The following CRYBG1 variants were observed in gnomAD, a reference collection of about 807,000 sequenced individuals.
The protein encoded by CRYBG1 is crystallin beta-gamma domain containing 1, also known as beta/gamma crystallin domain-containing protein 1.
A neutral mutation model predicts 189.2 loss-of-function variants in CRYBG1; 139 were observed. The observed-to-expected ratio is 0.73, with a 90% CI of 0.64 to 0.85. CRYBG1 has a LOEUF of 0.85. CRYBG1 is among the 40% of genes least tolerant of loss of function. The probability of loss-of-function intolerance (pLI) is 0.00; values close to 1 mark genes in which losing one functional copy is unlikely to be tolerated. For synonymous variants in CRYBG1, 1,023 were observed against 1,017.1 expected (o/e 1.01, Z -0.11); for missense variants, 2,611 against 2,675.8 (o/e 0.98, Z 0.53).
At chr6:106,418,969 G>A (rs1771077229) in intron 1 of CRYBG1, among the ~76,000 whole-genome samples, 1 of 152,206 alleles carries the variant, frequency 6.6e-6, no homozygotes, top group Non-Finnish European at 1.5e-5. Flanking sequence ...CAGGCATGAT[G>A]TTCACATAGT....
At chr6:106,369,934 G>A (rs1412793753) in intron 1 of CRYBG1, among the ~76,000 whole-genome samples, 1 of 152,156 alleles carries the variant, frequency 6.6e-6, no homozygotes, top group Non-Finnish European at 1.5e-5. Flanking sequence ...TTCCCCAGCC[G>A]GTGATCTTGA....
intron 1 of CRYBG1, among the ~76,000 whole-genome samples, chr6:106,378,922 G>T (rs1032109624): frequency 7.9e-5 from 12 of 152,068 alleles, no homozygotes; most frequent in African/African-American, 2.9e-4. Flanking sequence ...GGCCAAGGTG[G>T]GTGGATCACC....
At chr6:106,417,693 C>T (rs1342097131) in intron 1 of CRYBG1, among the ~76,000 whole-genome samples, 1 of 152,252 alleles carries the variant, frequency 6.6e-6, no homozygotes, top group East Asian at 1.9e-4. Flanking sequence ...CTGCCACACT[C>T]AGTCCCTTGT....
chr6:106,537,237 C>T (rs946735568), intron 8 of CRYBG1, among the ~76,000 whole-genome samples: 4 of 152,284 alleles, frequency 2.6e-5, no homozygotes, highest in East Asian at 3.9e-4. Flanking sequence ...AAGGGTACTT[C>T]GGTAAGAATC....
chr6:106,473,212 A>G (rs1455119348), intron 2 of CRYBG1, among the ~76,000 whole-genome samples: 2 of 152,156 alleles, frequency 1.3e-5, no homozygotes, highest in African/African-American at 4.8e-5. Context: ...AAACATACAC[A>G]AAATAGAGAG....
Position 106,492,869 on chromosome 6 carries a change from C to T in CRYBG1, c.313-18561C>T, listed in dbSNP as rs547634214. On this transcript the variant is annotated intron_variant, in intron 2 of 21. Transcript: ENST00000633556. ...GCTTGTTGAATGAATAAATGAAATA[C>T]GGGAGCACTCATGTAACCATGAGTG... Among the ~76,000 whole-genome samples the T allele has an allele frequency of 1.6e-4, 24 of 152,128 alleles. No homozygotes were observed. In the South Asian group the frequency reaches 3.1e-3, roughly 20 times the overall value.
In CRYBG1 at chr6:106,527,305, T is replaced by C. The variant is rs765061255; in HGVS notation, c.4413T>C (p.Cys1471=). ...PVILIKVVRG[C]WILYEQPNFE... ...TGGTTTTGCTGTGTTTTATTGTTAG[T>C]TGGATTTTGTATGAGCAACCAAATT... is the stretch of plus-strand genomic sequence containing the variant. The change falls in exon 7 of 22, where the codon TGT becomes TGC. Residue 1471 remains cysteine (C), a splice_region_variant and synonymous_variant. Coordinates refer to ENST00000633556, the MANE Select transcript of CRYBG1 (RefSeq NM_001371242.2). 3 of 1,609,604 alleles carry C rather than the reference T, an allele frequency of 1.9e-6. No homozygotes were observed. The highest frequency in any genetic ancestry group is 2.2e-5 in the South Asian group (2 of 90,404).
intron 1 of CRYBG1, among the ~76,000 whole-genome samples, chr6:106,393,468 T>G (rs922442699): frequency 6.6e-6 from 1 of 152,210 alleles, no homozygotes; most frequent in African/African-American, 2.4e-5. Flanking sequence ...CTGAACTTCC[T>G]TGGGCTTGCA....
rs1242381018 is a variant in CRYBG1, at chr6:106,512,824, C to T, written c.1707C>T (p.Arg569=). 3 of 1,575,864 alleles carry T rather than the reference C, an allele frequency of 1.9e-6. No homozygotes were observed. The highest frequency in any genetic ancestry group is 1.3e-5 in the African/African-American group (1 of 74,154). ...AGGAGGCGGCGCGGGCCATCCCCCG[C>T]GAGCTCCCGGTCAAGAGCAGCTCGC... The part of the protein sequence containing the change: ...SGEEAARAIP[R]ELPVKSSSLL... Residue 569 remains arginine (R), a synonymous_variant, in exon 3 of 22, where the codon CGC becomes CGT. Transcript: ENST00000633556.
intron 1 of CRYBG1, among the ~76,000 whole-genome samples, chr6:106,391,110 C>T (rs868410141): frequency 2.0e-5 from 3 of 152,262 alleles, no homozygotes; most frequent in Non-Finnish European, 1.5e-5. Flanking sequence ...CTCAGTCACC[C>T]AGGCTGGAGT....
intron 20 of CRYBG1, among the ~76,000 whole-genome samples, chr6:106,563,247 C>A (rs1774777422): frequency 6.6e-6 from 1 of 152,134 alleles, no homozygotes. Flanking sequence ...GGAAAGCATG[C>A]CTGTTTAGAA....
chr6:106,484,406 GCCTCAGCCTCAAGCAATCCTCCAA>G (rs1214152774), intron 2 of CRYBG1, among the ~76,000 whole-genome samples: 1 of 152,058 alleles, frequency 6.6e-6, no homozygotes, highest in African/African-American at 2.4e-5. Context: ...CAATCCTCCA[GCCTCAGCCTCAAGCAATCCTCCAA>G]CCTCAGCCTC....
At chr6:106,382,755 G>A (rs963242285) in intron 1 of CRYBG1, among the ~76,000 whole-genome samples, 6 of 152,206 alleles carry the variant, frequency 3.9e-5, no homozygotes, top group Middle Eastern at 3.4e-3. Flanking sequence ...CAAAAGCCAA[G>A]TGTTTGGAAA....
intron 2 of CRYBG1, among the ~76,000 whole-genome samples, chr6:106,489,800 A>G (rs1011611744): frequency 6.6e-6 from 1 of 150,610 alleles, no homozygotes; most frequent in South Asian, 2.1e-4. Context: ...AAAAAAAAAA[A>G]AAAAAAAGAA....
intron 1 of CRYBG1, among the ~76,000 whole-genome samples, chr6:106,365,890 CA>C (rs952049030): frequency 2.6e-5 from 4 of 151,940 alleles, no homozygotes; most frequent in African/African-American, 9.7e-5. Context: ...ATTGGGCAGG[CA>C]GAGATCTACC....
At chr6:106,415,585 G>T (rs1771006821) in intron 1 of CRYBG1, among the ~76,000 whole-genome samples, 1 of 152,010 alleles carries the variant, frequency 6.6e-6, no homozygotes, top group African/African-American at 2.4e-5. Flanking sequence ...AATTAGCCAG[G>T]CATGGTGGTA....
In CRYBG1 at chr6:106,570,186, A is replaced by G. The variant is rs1775018582; in HGVS notation, c.*1620A>G. ...AGGTAGAACAGCTTGTTTCTTTTCC[A>G]TCTATTCAAGTGTGTTTCTAATTCT... On this transcript the variant is annotated 3_prime_UTR_variant, in exon 22 of 22. Transcript: ENST00000633556. 1 of 152,172 alleles carries G rather than the reference A, an allele frequency of 6.6e-6. No individual in the cohort carries two copies. The highest frequency in any genetic ancestry group is 6.5e-5 in the Admixed American group (1 of 15,284). The allele number at this position is 152,172 out of a possible 1,614,324, so 9.4% of individuals were successfully genotyped here. A position where few individuals can be genotyped will look rare whatever the true frequency, so the allele number is the denominator to read the frequency against.
At chr6:106,519,007 AC>A (rs796491690) in intron 3 of CRYBG1, 123 bp from the exon 4 acceptor site, 978 of 1,024,360 alleles carry the variant, frequency 9.5e-4, no homozygotes, top group Non-Finnish European at 1.2e-3. Context: ...ACACACACAC[AC>A]CACACTCCAA....
chr6:106,515,095 G>A lies in CRYBG1; in HGVS notation c.1922+2056G>A, dbSNP rs77139987. ...TTTCCTGAAAAATGACACTGAAGTAGCATGTTCCTTTATGCTGTTAGAAAA... is the reference window on the plus strand; with the variant it reads ...TTTCCTGAAAAATGACACTGAAGTAACATGTTCCTTTATGCTGTTAGAAAA... On this transcript the variant is annotated intron_variant, in intron 3 of 21. Coordinates refer to ENST00000633556, the MANE Select transcript of CRYBG1 (RefSeq NM_001371242.2). 2.3e-4 allele frequency among the ~76,000 whole-genome samples: 35 copies of A among 152,328 alleles called. No homozygotes were observed. In the East Asian group the frequency reaches 6.7e-3, roughly 29 times the overall value.
Sources: gnomAD v4.1 joint callset for allele counts (sites outside exome capture counted in the v4.1 genomes callset) on GRCh38, gnomAD v4.1.1 for gene constraint, MANE v1.5 for transcripts, NCBI Gene and HGNC (gene_info 2026-07-23, HGNC 2026-07-21) for gene names.